TACR1: variants seen among roughly 807,000 people sequenced by gnomAD.
TACR1 encodes tachykinin receptor 1, also known as substance-P receptor.
TACR1 carries 25 observed loss-of-function variants against 35.8 expected under a neutral mutation model. The ratio of observed to expected loss-of-function variants is 0.70; its 90% CI spans 0.51 to 0.98. The LOEUF is 0.98. TACR1 is among the 50% of genes least tolerant of loss of function. TACR1 has a pLI of 0.00. For synonymous variants in TACR1, 195 were observed against 206.7 expected, an observed-to-expected ratio of 0.94 and a Z score of 0.48; for missense variants, 478 against 522.9, an observed-to-expected ratio of 0.91 and a Z score of 0.84.
chr2:75,095,178 T>G (rs1673398107), intron 2 of TACR1, among the ~76,000 whole-genome samples: 1 of 152,152 alleles, frequency 6.6e-6, no homozygotes, highest in Non-Finnish European at 1.5e-5. Flanking sequence ...TTAACTGCTT[T>G]GAGTCACCCT....
chr2:75,172,019 G>T (rs1262169298), intron 1 of TACR1, among the ~76,000 whole-genome samples: 1 of 152,140 alleles, frequency 6.6e-6, no homozygotes, highest in Non-Finnish European at 1.5e-5. Context: ...GTGGAATTCA[G>T]GTATTTCTTC....
chr2:75,172,979 G>C (rs1675326753), intron 1 of TACR1, among the ~76,000 whole-genome samples: 1 of 151,836 alleles, frequency 6.6e-6, no homozygotes, highest in East Asian at 1.9e-4. Context: ...CTACCCTAAT[G>C]ATCTCATTTT....
chr2:75,091,878 G>A (rs930668114), intron 2 of TACR1, among the ~76,000 whole-genome samples: 2 of 152,202 alleles, frequency 1.3e-5, no homozygotes, highest in Admixed American at 6.5e-5. Flanking sequence ...GGAAGAAGCA[G>A]TTCTTCCCCT....
At chr2:75,094,079 C>T (rs1331651137) in intron 2 of TACR1, among the ~76,000 whole-genome samples, 1 of 152,164 alleles carries the variant, frequency 6.6e-6, no homozygotes, top group Non-Finnish European at 1.5e-5. Flanking sequence ...TACTCTGTCC[C>T]ATGTGCAGAT....
chr2:75,074,763 G>A (rs1558544084), intron 2 of TACR1, among the ~76,000 whole-genome samples: 1 of 152,048 alleles, frequency 6.6e-6, no homozygotes, highest in East Asian at 1.9e-4. Context: ...AGGCAGTTGT[G>A]TTTGGGTTGT....
intron 2 of TACR1, among the ~76,000 whole-genome samples, chr2:75,079,898 G>A (rs2103830922): frequency 6.6e-6 from 1 of 152,210 alleles, no homozygotes; most frequent in Non-Finnish European, 1.5e-5. Context: ...AAAGACTGCA[G>A]GTGGAGAAAC....
At chr2:75,165,743 A>G (rs1474163275) in intron 1 of TACR1, among the ~76,000 whole-genome samples, 1 of 152,088 alleles carries the variant, frequency 6.6e-6, no homozygotes, top group Non-Finnish European at 1.5e-5. Context: ...ATTATGGCAA[A>G]TCCTTTAGCT....
At chr2:75,168,272 C>T (rs1028519356) in intron 1 of TACR1, among the ~76,000 whole-genome samples, 3 of 152,064 alleles carry the variant, frequency 2.0e-5, no homozygotes, top group Non-Finnish European at 4.4e-5. Context: ...ACTCTAATCC[C>T]AGGAGTCTGT....
chr2:75,063,633 TTC>T (rs1179199990), intron 2 of TACR1, among the ~76,000 whole-genome samples: 2 of 152,224 alleles, frequency 1.3e-5, no homozygotes, highest in African/African-American at 4.8e-5. Flanking sequence ...TGGGTTTTTC[TTC>T]TGTTTCCTTC....
At chr2:75,137,850 A>G (rs1013803046) in intron 1 of TACR1, among the ~76,000 whole-genome samples, 9 of 151,180 alleles carry the variant, frequency 6.0e-5, no homozygotes, top group Admixed American at 5.3e-4. Context: ...TGTTGTTCCT[A>G]TACTCATCTA....
intron 2 of TACR1, among the ~76,000 whole-genome samples, chr2:75,072,485 G>T (rs941785075): frequency 6.6e-6 from 1 of 152,208 alleles, no homozygotes; most frequent in Non-Finnish European, 1.5e-5. Context: ...GTTGGGGATC[G>T]TCCATGAGAG....
chr2:75,134,405 T>C (rs1273266348), intron 1 of TACR1, among the ~76,000 whole-genome samples: 2 of 152,214 alleles, frequency 1.3e-5, no homozygotes, highest in East Asian at 3.9e-4. Context: ...ATATTCATGT[T>C]CTGAAGGAGT....
intron 2 of TACR1, among the ~76,000 whole-genome samples, chr2:75,076,897 G>A (rs1471543984): frequency 6.6e-6 from 1 of 152,174 alleles, no homozygotes; most frequent in Non-Finnish European, 1.5e-5. Context: ...GGGGAAGTGA[G>A]CTAAAATTTA....
chr2:75,084,235 A>G (rs1319613734), intron 2 of TACR1, among the ~76,000 whole-genome samples: 3 of 152,104 alleles, frequency 2.0e-5, no homozygotes, highest in Non-Finnish European at 4.4e-5. Context: ...ACATTTATTG[A>G]TTTGCATCTA....
chr2:75,195,071 C>G (rs1675933316), intron 1 of TACR1, among the ~76,000 whole-genome samples: 1 of 152,250 alleles, frequency 6.6e-6, no homozygotes, highest in East Asian at 1.9e-4. Context: ...GGAGTCATCA[C>G]CTCTCTGTGT....
At chr2:75,189,570 A>T (rs920149975) in intron 1 of TACR1, 3 of 152,216 alleles carry the variant, frequency 2.0e-5, no homozygotes, top group Non-Finnish European at 4.4e-5. Context: ...TTTAAGTGTA[A>T]CACCTAGGAG....
At chr2:75,162,366 G>A (rs3771846) in intron 1 of TACR1, among the ~76,000 whole-genome samples, 76,268 of 152,042 alleles carry the variant, frequency 0.5, 19,726 homozygotes, top group South Asian at 0.55. Flanking sequence ...TGTGTTAGAG[G>A]CACACAGTGT....
chr2:75,130,663 CT>C (rs1262872638), intron 1 of TACR1, among the ~76,000 whole-genome samples: 2 of 152,200 alleles, frequency 1.3e-5, no homozygotes, highest in Non-Finnish European at 2.9e-5. Flanking sequence ...GAATGTGTAA[CT>C]TGCACAAAAT....
At chr2:75,136,610 C>T (rs536637593) in intron 1 of TACR1, among the ~76,000 whole-genome samples, 2 of 152,294 alleles carry the variant, frequency 1.3e-5, no homozygotes, top group South Asian at 4.1e-4. Flanking sequence ...ATTCCTGCCT[C>T]ATCTTACAGC....
Sources: allele counts gnomAD v4.1 joint callset (sites outside exome capture counted in the v4.1 genomes callset), GRCh38; gene constraint gnomAD v4.1.1; transcripts MANE v1.5; gene names NCBI Gene and HGNC (gene_info 2026-07-23, HGNC 2026-07-21).